CDH12: variants seen among roughly 807,000 people sequenced by gnomAD.
CDH12 encodes the protein cadherin-12.
CDH12 carries 41 observed loss-of-function variants against 74.1 expected under a neutral mutation model. The observed-to-expected ratio is 0.55, with a 90% CI of 0.43 to 0.72. The LOEUF (loss-of-function observed/expected upper bound fraction) is 0.72. Among genes scored for constraint, CDH12 ranks in the 30% least tolerant of loss-of-function variants. The pLI, the probability that CDH12 is intolerant of heterozygous loss-of-function variation, is 0.00. For synonymous variants in CDH12, 399 were observed against 355.0 expected, an observed-to-expected ratio of 1.12 and a Z score of -1.39; for missense variants, 945 against 977.2, an observed-to-expected ratio of 0.97 and a Z score of 0.44.
At chr5:22,832,361 G>C (rs1358370090) in intron 1 of CDH12, among the ~76,000 whole-genome samples, 1 of 152,202 alleles carries the variant, frequency 6.6e-6, no homozygotes, top group Non-Finnish European at 1.5e-5. Flanking sequence ...GAGGATGGGA[G>C]TAACGGTGTC....
At chr5:21,860,846 C>CT (rs777747543) in intron 6 of CDH12, among the ~76,000 whole-genome samples, 263 of 152,196 alleles carry the variant, frequency 1.7e-3, no homozygotes, top group Non-Finnish European at 3.3e-3. Context: ...GGGACTTGAA[C>CT]TGGCTTCCTT....
At chr5:21,856,752 T>G (rs1256647556) in intron 6 of CDH12, among the ~76,000 whole-genome samples, 1 of 151,830 alleles carries the variant, frequency 6.6e-6, no homozygotes, top group Non-Finnish European at 1.5e-5. Flanking sequence ...CATTAATGCA[T>G]CGAAGTTGCA....
intron 1 of CDH12, among the ~76,000 whole-genome samples, chr5:22,710,618 A>G (rs747267275): frequency 6.6e-6 from 1 of 152,164 alleles, no homozygotes; most frequent in Non-Finnish European, 1.5e-5. Flanking sequence ...TTCAGATGCA[A>G]TTGAATATTA....
At chr5:21,766,313 T>C (rs1035957351) in intron 11 of CDH12, among the ~76,000 whole-genome samples, 1 of 151,970 alleles carries the variant, frequency 6.6e-6, no homozygotes, top group Non-Finnish European at 1.5e-5. Flanking sequence ...ATAACATAAA[T>C]TGCGTATAAA....
chr5:21,777,628 T>G (rs1275866431), intron 11 of CDH12, among the ~76,000 whole-genome samples: 2 of 151,858 alleles, frequency 1.3e-5, no homozygotes, highest in Non-Finnish European at 2.9e-5. Context: ...GTAGCTGGGA[T>G]TATAGGCGCC....
At chr5:21,759,500 A>C (rs1300919659) in intron 13 of CDH12, among the ~76,000 whole-genome samples, 2 of 151,996 alleles carry the variant, frequency 1.3e-5, no homozygotes, top group Non-Finnish European at 1.5e-5. Flanking sequence ...AACATGTTTT[A>C]GGCATTTTGT....
chr5:21,792,992 A>T (rs544722173), intron 10 of CDH12, among the ~76,000 whole-genome samples: 1 of 151,900 alleles, frequency 6.6e-6, no homozygotes, highest in Admixed American at 6.6e-5. Context: ...TTGATATCTG[A>T]TATCTTCTGC....
At chr5:22,377,535 C>T (rs1180808337) in intron 3 of CDH12, among the ~76,000 whole-genome samples, 1 of 152,098 alleles carries the variant, frequency 6.6e-6, no homozygotes, top group African/African-American at 2.4e-5. Context: ...TTGTCATGAG[C>T]CTGACTCTTA....
chr5:22,426,165 G>A (rs1248245080), intron 2 of CDH12, among the ~76,000 whole-genome samples: 1 of 141,316 alleles, frequency 7.1e-6, no homozygotes, highest in Non-Finnish European at 1.5e-5. Context: ...CCAGCCTGGT[G>A]ACACAGGGAG....
rs977340496 is a variant in CDH12 at position 21,931,165 on chromosome 5, T to C, written c.526+43926A>G. On this transcript the variant is annotated intron_variant, in intron 6 of 14. Transcript: ENST00000382254. ...TCTTTATTGCTAGAACAGGATATCT[T>C]ATTAGTATTCCAGAGCATATGATAC... Among the ~76,000 whole-genome samples, 74 of 152,102 alleles carry C rather than the reference T, an allele frequency of 4.9e-4. 1 individual carries two copies. Among genetic ancestry groups the C allele is most frequent in the Non-Finnish European group, 1.9e-4 (13 of 68,004 alleles).
chr5:22,631,516 A>G (rs570374927), intron 1 of CDH12, among the ~76,000 whole-genome samples: 3 of 152,288 alleles, frequency 2.0e-5, no homozygotes, highest in East Asian at 3.9e-4. Context: ...CCATTATCTT[A>G]AGTGAACCGG....
At chr5:22,054,348 G>T (rs560092027) in intron 5 of CDH12, among the ~76,000 whole-genome samples, 34 of 152,130 alleles carry the variant, frequency 2.2e-4, no homozygotes, top group African/African-American at 7.5e-4. Context: ...CATATATATA[G>T]ATATCTGGTA....
At chr5:22,500,358 C>T (rs980380138) in intron 2 of CDH12, among the ~76,000 whole-genome samples, 1 of 152,064 alleles carries the variant, frequency 6.6e-6, no homozygotes, top group South Asian at 2.1e-4. Context: ...TTTCTCATGA[C>T]ATTTAGCCAT....
At chr5:21,944,890 G>A in intron 6 of CDH12, among the ~76,000 whole-genome samples, 1 of 152,084 alleles carries the variant, frequency 6.6e-6, no homozygotes, top group Non-Finnish European at 1.5e-5. Context: ...GGAAGTATAA[G>A]TTAGTACTCT....
intron 6 of CDH12, among the ~76,000 whole-genome samples, chr5:21,942,784 TA>T (rs1457511382): frequency 1.3e-5 from 2 of 152,156 alleles, no homozygotes; most frequent in African/African-American, 4.8e-5. Flanking sequence ...GACAAAAATA[TA>T]ACAGTAGTGG....
At chr5:22,582,047 TA>T (rs1183062119) in intron 1 of CDH12, among the ~76,000 whole-genome samples, 10 of 151,830 alleles carry the variant, frequency 6.6e-5, no homozygotes, top group African/African-American at 2.2e-4. Context: ...GATTAAAGAT[TA>T]AAAAAAACAA....
At chr5:22,817,156 A>G (rs1281323067) in intron 1 of CDH12, among the ~76,000 whole-genome samples, 2 of 152,106 alleles carry the variant, frequency 1.3e-5, no homozygotes, top group African/African-American at 4.8e-5. Context: ...TTAGAAATGT[A>G]TTATATAATG....
intron 13 of CDH12, among the ~76,000 whole-genome samples, chr5:21,756,647 T>A (rs1316865506): frequency 6.6e-6 from 1 of 152,224 alleles, no homozygotes; most frequent in African/African-American, 2.4e-5. Context: ...GTTTTATGAA[T>A]AACAATATTT....
chr5:21,865,842 C>T (rs1579861085), intron 6 of CDH12, among the ~76,000 whole-genome samples: 1 of 152,184 alleles, frequency 6.6e-6, no homozygotes, highest in Non-Finnish European at 1.5e-5. Context: ...ATGCCCTATA[C>T]ATCTGTACGA....
Sources: gnomAD v4.1 joint callset for allele counts (sites outside exome capture counted in the v4.1 genomes callset) on GRCh38, gnomAD v4.1.1 for gene constraint, MANE v1.5 for transcripts, NCBI Gene and HGNC (gene_info 2026-07-23, HGNC 2026-07-21) for gene names.